The following SFI1 variants were observed in gnomAD, a reference collection of about 807,000 sequenced individuals.
SFI1 encodes protein SFI1 homolog.
Under a neutral mutation model 207.5 loss-of-function variants are expected in SFI1, and 195 were observed. That is an observed-to-expected ratio of 0.94 (90% CI 0.84 to 1.06). The LOEUF is 1.06. SFI1 is among the 50% of genes least tolerant of loss of function. The pLI is 0.00. For missense variants in SFI1, 1,634 were observed against 1,588.0 expected (o/e 1.03, Z -0.49); for synonymous variants, 630 against 598.9 (o/e 1.05, Z -0.76).
At chr22:31,563,722 A>T (rs1212330112) in intron 8 of SFI1, among the ~76,000 whole-genome samples, 1 of 152,094 alleles carries the variant, frequency 6.6e-6, no homozygotes, top group Non-Finnish European at 1.5e-5. Flanking sequence ...AGTAGCTGGG[A>T]TTACAGGCAC....
At chr22:31,510,140 T>C (rs1332412403) in intron 2 of SFI1, among the ~76,000 whole-genome samples, 1 of 151,890 alleles carries the variant, frequency 6.6e-6, no homozygotes, top group Non-Finnish European at 1.5e-5. Context: ...CTATTATTTC[T>C]TTTTAAATCT....
Position 31,558,468 on chromosome 22 carries a change from A to AT in SFI1, c.662+1425dup, listed in dbSNP as rs543306404. On this transcript the variant is annotated intron_variant, in intron 7 of 32. Coordinates refer to ENST00000400288, the MANE Select transcript of SFI1 (RefSeq NM_001007467.3). Reference sequence around the variant, plus strand: ...TGCAGTTTTACTTGAGTCTGAGTGAATTTTTTTTTTTTTTTTATGAGATGG... The same window carrying AT: ...TGCAGTTTTACTTGAGTCTGAGTGAATTTTTTTTTTTTTTTTTATGAGATGG... Among the ~76,000 whole-genome samples, 493 of 143,942 alleles carry AT rather than the reference A, an allele frequency of 3.4e-3. 5 individuals carry two copies. The highest frequency in any genetic ancestry group is 4.6e-3 in the East Asian group (23 of 4,974). 94.4% of individuals were successfully genotyped at this position (143,942 alleles called of 152,430 possible).
chr22:31,529,847 A>T (rs771072008), intron 3 of SFI1, among the ~76,000 whole-genome samples: 3 of 152,038 alleles, frequency 2.0e-5, no homozygotes, highest in Non-Finnish European at 2.9e-5. Context: ...GGTGTGTTTT[A>T]AGTTGAGCTC....
intron 13 of SFI1, 88 bp downstream of exon 13, chr22:31,584,060 C>T (rs555242715): frequency 2.0e-5 from 22 of 1,097,742 alleles, no homozygotes; most frequent in Admixed American, 1.2e-4. Context: ...CCCTTCTATG[C>T]GTTAGTGTGG....
At chr22:31,498,680 G>GAAA (rs1398940645) in intron 1 of SFI1, among the ~76,000 whole-genome samples, 1 of 151,478 alleles carries the variant, frequency 6.6e-6, no homozygotes, top group African/African-American at 2.4e-5. Flanking sequence ...AAAGGAGTTT[G>GAAA]AAAAAGTTGA....
rs2068297309 is a variant in SFI1 at position 31,602,594 on chromosome 22, T to A, written c.1627-13T>A. 6.2e-7 allele frequency: 1 copy of A among 1,613,784 alleles called. No homozygotes were observed. The highest frequency in any genetic ancestry group is 1.7e-5 in the Admixed American group (1 of 59,966). On this transcript the variant is annotated splice_polypyrimidine_tract_variant and intron_variant, in intron 16 of 32. Transcript: ENST00000400288. ...TTGATTTATTCTGTTCTCTCCTTCC[T>A]GTCCTGCCTCAGGCCATCCTTCACG...
chr22:31,573,038 G>A lies in SFI1; in HGVS notation c.766-20G>A, dbSNP rs2063115830. ...TTTTCCTGCCTCTCCTTTGACTGTT[G>A]CCTCTTCTCTGGTTTTCAGGCTTGG... On this transcript the variant is annotated intron_variant, in intron 8 of 32. Transcript: ENST00000400288. 1.9e-6 allele frequency: 3 copies of A among 1,609,464 alleles called. No homozygotes were observed. In the South Asian group the frequency reaches 3.3e-5, roughly 18 times the overall value.
intron 1 of SFI1, among the ~76,000 whole-genome samples, chr22:31,497,929 TG>T (rs2053008266): frequency 6.6e-6 from 1 of 152,268 alleles, no homozygotes; most frequent in African/African-American, 2.4e-5. Flanking sequence ...TTTACATGTC[TG>T]CTAACACAGT....
At chr22:31,560,003 A>G in intron 7 of SFI1, 2 of 354,154 alleles carry the variant, frequency 5.6e-6, no homozygotes, top group South Asian at 2.9e-5. Flanking sequence ...AAAGTAATAA[A>G]TAAGTAAAAT....
At chr22:31,602,331 G>T (rs1262439681) in intron 16 of SFI1, 38 bp downstream of exon 16, 2 of 1,587,752 alleles carry the variant, frequency 1.3e-6, no homozygotes, top group Non-Finnish European at 1.7e-6. Flanking sequence ...TGGAGGGGCA[G>T]GATCTGATTC....
chr22:31,595,844 G>A (rs144556105), intron 15 of SFI1, among the ~76,000 whole-genome samples: 391 of 152,326 alleles, frequency 2.6e-3, no homozygotes, highest in Non-Finnish European at 4.7e-3. Context: ...GCAGGTACAT[G>A]GAACTAGTAA....
At position 31,561,337 on chromosome 22, in the gene SFI1, G is replaced by C; in HGVS notation, c.710G>C (p.Ser237Thr). Reference sequence around the variant, plus strand: ...CAGCGACTAGGACAGGTCCGTGTGAGCCGTGCCCTCCATGCCTCTGCTTTG... The same window carrying C: ...CAGCGACTAGGACAGGTCCGTGTGACCCGTGCCCTCCATGCCTCTGCTTTG... ...WRQRLGQVRV[S>T]RALHASALKH... Residue 237 changes from serine to threonine, a missense_variant, in exon 8 of 33, where the codon AGC (serine) becomes ACC (threonine). Coordinates refer to ENST00000400288, the MANE Select transcript of SFI1 (RefSeq NM_001007467.3). 6.2e-7 allele frequency: 1 copy of C among 1,614,148 alleles called. No individual in the cohort carries two copies. The highest frequency in any genetic ancestry group is 8.5e-7 in the Non-Finnish European group (1 of 1,180,018).
chr22:31,595,072 C>A (rs115132933), intron 15 of SFI1, among the ~76,000 whole-genome samples: 1 of 152,064 alleles, frequency 6.6e-6, no homozygotes, highest in Non-Finnish European at 1.5e-5. Context: ...TCTTGACTCA[C>A]GGCAAACTCC....
chr22:31,547,406 G>A (rs1415846026), intron 5 of SFI1, among the ~76,000 whole-genome samples: 3 of 152,170 alleles, frequency 2.0e-5, no homozygotes, highest in Non-Finnish European at 4.4e-5. Context: ...CGTCTCCTAG[G>A]TTCAAGCGAT....
rs2070741468 is a variant in SFI1 at position 31,613,383 on chromosome 22, G to A, written c.2595G>A (p.Leu865=). The change falls in exon 26 of 33, where the codon CTG becomes CTA. Residue 865 remains leucine, a synonymous_variant. Transcript: ENST00000400288. The stretch of plus-strand genomic sequence containing the variant: ...GGGCCACGTGGCTGGCCTTTGTACT[G>A]GAAAGGAGGAGAAAGAAGGCGCGGC... ...KVWATWLAFV[L]ERRRKKARLQ... is the part of the protein sequence containing the mutation. 2 of 1,611,706 alleles carry A rather than the reference G, an allele frequency of 1.2e-6. No homozygotes were observed. Among genetic ancestry groups the A allele is most frequent in the Admixed American group, 1.7e-5 (1 of 59,996 alleles).
chr22:31,589,217 T>C (rs114564280), intron 14 of SFI1, among the ~76,000 whole-genome samples: 11 of 136,388 alleles, frequency 8.1e-5, no homozygotes, highest in Admixed American at 2.1e-4. Context: ...TGTGCGTGTG[T>C]GTGTGTGTGT....
Position 31,606,502 on chromosome 22 carries a change from G to C in SFI1, c.2157+72G>C, listed in dbSNP as rs2068996365. 3 of 1,264,636 alleles carry C rather than the reference G, an allele frequency of 2.4e-6. No individual in the cohort carries two copies. The East Asian group carries it at 7.1e-5, about 30-fold the overall frequency. The allele number at this position is 1,264,636 out of a possible 1,614,324, so 78.3% of individuals were successfully genotyped here. On this transcript the variant is annotated intron_variant, in intron 21 of 32. Transcript: ENST00000400288. ...TGTTCTGGTGAGGGCGTGGGATGTA[G>C]GGGGTGGTGCCAGAGATTTGAACTG...
intron 7 of SFI1, among the ~76,000 whole-genome samples, chr22:31,557,347 G>GT (rs554292941): frequency 0.032 from 4,392 of 139,216 alleles, 67 homozygotes; most frequent in South Asian, 0.063. Flanking sequence ...CCCAGCTAAT[G>GT]TTTTTTTTTT....
At chr22:31,500,987 C>A (rs1403902922) in intron 1 of SFI1, among the ~76,000 whole-genome samples, 1 of 150,882 alleles carries the variant, frequency 6.6e-6, no homozygotes, top group Non-Finnish European at 1.5e-5. Context: ...TTTAGTAGAA[C>A]GGGGTTTCAC....
Sources: allele counts gnomAD v4.1 joint callset (sites outside exome capture counted in the v4.1 genomes callset), GRCh38; gene constraint gnomAD v4.1.1; transcripts MANE v1.5; gene names NCBI Gene and HGNC (gene_info 2026-07-23, HGNC 2026-07-21).